ENTPD7: variants seen among roughly 807,000 people sequenced by gnomAD.
The protein encoded by ENTPD7 is NTPDase 7.
A neutral mutation model predicts 77.9 loss-of-function variants in ENTPD7; 53 were observed. The ratio of observed to expected loss-of-function variants is 0.68; its 90% CI spans 0.55 to 0.85. ENTPD7 has a LOEUF of 0.85. Ranked by LOEUF, ENTPD7 falls within the 40% of genes least tolerant of loss-of-function variation. ENTPD7 has a pLI of 0.00. For missense variants in ENTPD7, 636 were observed against 743.7 expected (o/e 0.86, Z 1.68); for synonymous variants, 248 against 274.9 (o/e 0.90, Z 0.97).
At chr10:99,660,390 A>T in intron 2 of ENTPD7, 1 of 1,168,196 alleles carries the variant, frequency 8.6e-7, no homozygotes. Flanking sequence ...ACATTATAAT[A>T]ACCTGAAGCT....
chr10:99,675,513 T>C (rs1285759480), intron 3 of ENTPD7, among the ~76,000 whole-genome samples: 2 of 130,744 alleles, frequency 1.5e-5, no homozygotes, highest in African/African-American at 6.0e-5. Context: ...GAAAAGTTTT[T>C]AGATAGGGTT....
intron 5 of ENTPD7, among the ~76,000 whole-genome samples, chr10:99,684,095 G>A (rs900623077): frequency 2.0e-5 from 3 of 152,030 alleles, no homozygotes; most frequent in South Asian, 2.1e-4. Flanking sequence ...TCCCTCTATC[G>A]CCCAGGCTGG....
rs753511391 is a variant in ENTPD7 at position 99,691,525 on chromosome 10, T to A, written c.843+7T>A. ...TGTCCTTCCTGCAAAGCAGGTACTTTACCTTTTAGGGAAATTTAGTTGCTA... is the reference window on the plus strand; with the variant it reads ...TGTCCTTCCTGCAAAGCAGGTACTTAACCTTTTAGGGAAATTTAGTTGCTA... On this transcript the variant is annotated splice_region_variant and intron_variant, in intron 8 of 12. Coordinates refer to ENST00000370489, the MANE Select transcript of ENTPD7 (RefSeq NM_020354.5). 1.2e-6 allele frequency: 2 copies of A among 1,612,616 alleles called. No individual in the cohort carries two copies. Among genetic ancestry groups the A allele is most frequent in the Non-Finnish European group, 1.7e-6 (2 of 1,179,564 alleles).
At chr10:99,688,802 G>GT in intron 7 of ENTPD7, 52 bp downstream of exon 7, 1 of 1,567,012 alleles carries the variant, frequency 6.4e-7, no homozygotes, top group Non-Finnish European at 8.8e-7. Context: ...GAAGATTTAA[G>GT]TTATAACCTA....
intron 8 of ENTPD7, among the ~76,000 whole-genome samples, chr10:99,694,253 C>T (rs752184592): frequency 1.3e-5 from 2 of 152,182 alleles, no homozygotes; most frequent in African/African-American, 4.8e-5. Context: ...GTGGATTTGC[C>T]TATTCCGGAC....
chr10:99,695,298 G>A (rs2035952156), intron 8 of ENTPD7, among the ~76,000 whole-genome samples: 1 of 152,088 alleles, frequency 6.6e-6, no homozygotes, highest in Non-Finnish European at 1.5e-5. Flanking sequence ...GCTGAGAAGG[G>A]CTGATCATGA....
In ENTPD7 at chr10:99,707,620, G is replaced by A. The variant is rs929704667; in HGVS notation, c.*2937G>A. Among the ~76,000 whole-genome samples, 1 of 152,172 alleles carries A rather than the reference G, an allele frequency of 6.6e-6. No individual in the cohort carries two copies. The highest frequency in any genetic ancestry group is 6.5e-5 in the Admixed American group (1 of 15,278). ...ATCTTACCAACCACTCTTGTTAACA[G>A]AGACAATGAACCTGAACTGTTTTAG... On this transcript the variant is annotated 3_prime_UTR_variant, in exon 13 of 13. Coordinates refer to ENST00000370489, the MANE Select transcript of ENTPD7 (RefSeq NM_020354.5).
chr10:99,669,549 T>C (rs1225805748), intron 3 of ENTPD7, among the ~76,000 whole-genome samples: 4 of 151,922 alleles, frequency 2.6e-5, no homozygotes, highest in African/African-American at 4.8e-5. Flanking sequence ...ACAAAAAAAG[T>C]AAATTTAGAG....
At chr10:99,679,564 C>G in intron 4 of ENTPD7, 98 bp downstream of exon 4, 4 of 1,443,160 alleles carry the variant, frequency 2.8e-6, no homozygotes, top group Non-Finnish European at 3.7e-6. Flanking sequence ...TCTTGAGAGT[C>G]TGGGTAATGG....
At chr10:99,675,666 G>A (rs535760813) in intron 3 of ENTPD7, among the ~76,000 whole-genome samples, 287 of 146,330 alleles carry the variant, frequency 2.0e-3, no homozygotes, top group Non-Finnish European at 2.9e-3. Context: ...GTGCGATCTC[G>A]GCTCACTGCA....
chr10:99,674,585 G>A (rs1275968464), intron 3 of ENTPD7, among the ~76,000 whole-genome samples: 4 of 152,148 alleles, frequency 2.6e-5, no homozygotes, highest in African/African-American at 4.8e-5. Flanking sequence ...CTTACTTAGC[G>A]TAATATCCTG....
chr10:99,698,074 T>A (rs998166786), intron 9 of ENTPD7: 1 of 198,344 alleles, frequency 5.0e-6, no homozygotes, highest in African/African-American at 2.4e-5. Flanking sequence ...AGGCATGGGC[T>A]CCATCACCAT....
intron 11 of ENTPD7, among the ~76,000 whole-genome samples, chr10:99,701,580 G>T (rs2036129839): frequency 6.6e-6 from 1 of 151,642 alleles, no homozygotes; most frequent in South Asian, 2.1e-4. Flanking sequence ...GAGCCACCGG[G>T]CCCGGCCAAA....
chr10:99,690,239 CCTGGTTT>C (rs2035863166), intron 7 of ENTPD7, among the ~76,000 whole-genome samples: 1 of 152,076 alleles, frequency 6.6e-6, no homozygotes, highest in African/African-American at 2.4e-5. Context: ...TTAAAAGAGC[CCTGGTTT>C]CTTTTAGTAA....
chr10:99,675,042 C>T (rs1024180940), intron 3 of ENTPD7, among the ~76,000 whole-genome samples: 21 of 152,170 alleles, frequency 1.4e-4, no homozygotes, highest in Non-Finnish European at 2.8e-4. Flanking sequence ...ATGAGGTAAA[C>T]CCAGCTGCTT....
intron 11 of ENTPD7, among the ~76,000 whole-genome samples, 164 bp downstream of exon 11, chr10:99,701,222 T>C (rs2036116113): frequency 6.6e-6 from 1 of 152,136 alleles, no homozygotes; most frequent in Non-Finnish European, 1.5e-5. Flanking sequence ...GAGCCTATTA[T>C]AGCAAAGCCA....
Position 99,687,259 on chromosome 10 carries a change from CTTTTTTT to C in ENTPD7, c.652+1383_652+1389del, listed in dbSNP as rs71009768. On this transcript the variant is annotated intron_variant, in intron 6 of 12. Coordinates refer to ENST00000370489, the MANE Select transcript of ENTPD7 (RefSeq NM_020354.5). ...TTTTCTTTTCTTTCTTTCTTTCTTT[CTTTTTTT>C]TTTTTTTTTTTTTTTTTTGAGACAG... Among the ~76,000 whole-genome samples the C allele has an allele frequency of 6.8e-4, 20 of 29,526 alleles. 3 individuals carry two copies. In the South Asian group the frequency reaches 0.038, roughly 57 times the overall value. The allele number at this position is 29,526 out of a possible 152,430, so 19.4% of individuals were successfully genotyped here. A position where few individuals can be genotyped will look rare whatever the true frequency, so the allele number is the denominator to read the frequency against.
chr10:99,661,397 AC>A, intron 2 of ENTPD7, 48 bp from the exon 3 acceptor site: 3 of 1,491,004 alleles, frequency 2.0e-6, no homozygotes, highest in Non-Finnish European at 1.8e-6. Context: ...ATATTTAAGC[AC>A]TCAGTTGTAG....
intron 3 of ENTPD7, among the ~76,000 whole-genome samples, chr10:99,674,618 T>C (rs1411737781): frequency 6.6e-6 from 1 of 152,248 alleles, no homozygotes; most frequent in Non-Finnish European, 1.5e-5. Flanking sequence ...TGTTGTAACA[T>C]GTGACAGGAT....
Sources: allele counts gnomAD v4.1 joint callset (sites outside exome capture counted in the v4.1 genomes callset), GRCh38; gene constraint gnomAD v4.1.1; transcripts MANE v1.5; gene names NCBI Gene and HGNC (gene_info 2026-07-23, HGNC 2026-07-21).